STAT5B: variants seen among roughly 807,000 people sequenced by gnomAD.
The protein encoded by STAT5B is transcription factor STAT5B.
In STAT5B, 21 loss-of-function variants were observed where a neutral mutation model predicts 107.8. The ratio of observed to expected loss-of-function variants is 0.19; its 90% CI spans 0.14 to 0.28. The LOEUF (loss-of-function observed/expected upper bound fraction) is 0.28. Among genes scored for constraint, STAT5B ranks in the 10% least tolerant of loss-of-function variants. STAT5B has a pLI of 1.00. For missense variants in STAT5B, 565 were observed against 1,008.2 expected (o/e 0.56, Z 5.95); for synonymous variants, 325 against 401.7 (o/e 0.81, Z 2.28).
intron 1 of STAT5B, among the ~76,000 whole-genome samples, chr17:42,236,351 T>C (rs2080356010): frequency 6.6e-6 from 1 of 152,206 alleles, no homozygotes; most frequent in Admixed American, 6.5e-5. Context: ...CTTACTGAGA[T>C]TATCATTATA....
chr17:42,247,953 A>T (rs1460090230), intron 1 of STAT5B, among the ~76,000 whole-genome samples: 1 of 77,820 alleles, frequency 1.3e-5, no homozygotes, highest in Non-Finnish European at 3.1e-5. Flanking sequence ...CTCATTCTCT[A>T]AAAAAAAAAA....
At chr17:42,257,186 T>C (rs2080553309) in intron 1 of STAT5B, among the ~76,000 whole-genome samples, 2 of 152,202 alleles carry the variant, frequency 1.3e-5, no homozygotes, top group Admixed American at 6.5e-5. Context: ...TAATATTAAA[T>C]ACTTTAAAGT....
chr17:42,252,058 T>G (rs2080504951), intron 1 of STAT5B, among the ~76,000 whole-genome samples: 1 of 151,372 alleles, frequency 6.6e-6, no homozygotes, highest in Non-Finnish European at 1.5e-5. Flanking sequence ...TTACTGTTGA[T>G]GTACATTAAG....
chr17:42,242,708 C>T (rs530415828), intron 1 of STAT5B, among the ~76,000 whole-genome samples: 14 of 151,880 alleles, frequency 9.2e-5, no homozygotes, highest in African/African-American at 3.1e-4. Flanking sequence ...TGGCTCATGC[C>T]TGTAATCCCA....
intron 8 of STAT5B, 55 bp downstream of exon 8, chr17:42,218,668 C>G (rs536988207): frequency 1.9e-6 from 3 of 1,612,148 alleles, no homozygotes; most frequent in South Asian, 1.1e-5. Context: ...CGGCTCCCCC[C>G]ACGCAGGCAG....
upstream of STAT5B, among the ~76,000 whole-genome samples, chr17:42,277,720 G>A (rs995873735): frequency 1.3e-5 from 2 of 150,748 alleles, no homozygotes; most frequent in Non-Finnish European, 3.0e-5. Flanking sequence ...GGTGCTCCAT[G>A]TTCTCCATAT....
chr17:42,246,392 A>T (rs1401523080), intron 1 of STAT5B, among the ~76,000 whole-genome samples: 2 of 152,196 alleles, frequency 1.3e-5, no homozygotes, highest in East Asian at 3.8e-4. Flanking sequence ...AAAAATTCAG[A>T]ATTATAAAAA....
intron 1 of STAT5B, among the ~76,000 whole-genome samples, chr17:42,243,436 C>T (rs746553056): frequency 1.3e-5 from 2 of 152,148 alleles, no homozygotes; most frequent in Admixed American, 6.5e-5. Context: ...TGCTAAATTT[C>T]TTGAGAGTGA....
At chr17:42,207,487 G>GCACACACA (rs57356051) in intron 16 of STAT5B, 71 bp downstream of exon 16, 123 of 1,198,616 alleles carry the variant, frequency 1.0e-4, no homozygotes, top group African/African-American at 6.0e-4. Context: ...ACGCAGGTAT[G>GCACACACA]CACACACACA....
Position 42,268,327 on chromosome 17 carries a change from T to C in STAT5B, c.-11+7921A>G, listed in dbSNP as rs993237482. On this transcript the variant is annotated intron_variant, in intron 1 of 18. Coordinates refer to ENST00000293328, the MANE Select transcript of STAT5B (RefSeq NM_012448.4). ...TCTACAGTACTCAATACAGTATACA[T>C]GTTCCACAGGTTTGTAGTCTAGGAG... Among the ~76,000 whole-genome samples, 4 of 152,214 alleles carry C rather than the reference T, an allele frequency of 2.6e-5. No homozygotes were observed. The highest frequency in any genetic ancestry group is 2.6e-4 in the Admixed American group (4 of 15,278).
intron 15 of STAT5B, among the ~76,000 whole-genome samples, chr17:42,209,308 G>A (rs182627045): frequency 1.3e-5 from 2 of 151,988 alleles, no homozygotes. Flanking sequence ...TCCTGCCTGA[G>A]GCTCCCAAAG....
At chr17:42,262,050 TG>T (rs1168915139) in intron 1 of STAT5B, among the ~76,000 whole-genome samples, 4 of 152,218 alleles carry the variant, frequency 2.6e-5, no homozygotes, top group Non-Finnish European at 5.9e-5. Context: ...GTAAGTCTAC[TG>T]GGCTCAAAAT....
At chr17:42,213,450 G>A (rs1012774971) in intron 12 of STAT5B, among the ~76,000 whole-genome samples, 7 of 152,072 alleles carry the variant, frequency 4.6e-5, no homozygotes, top group Non-Finnish European at 5.9e-5. Flanking sequence ...CAAGAGATCC[G>A]CTTGCCTTGG....
intron 1 of STAT5B, chr17:42,235,334 A>G (rs1414374929): frequency 1.3e-5 from 2 of 152,238 alleles, no homozygotes; most frequent in African/African-American, 2.4e-5. Context: ...CTGGCACATA[A>G]GCATCATAAT....
intron 1 of STAT5B, among the ~76,000 whole-genome samples, chr17:42,238,106 CCAT>C (rs2080371250): frequency 7.1e-5 from 6 of 84,134 alleles, no homozygotes; most frequent in Non-Finnish European, 2.4e-5. Context: ...ATCCATCCAT[CCAT>C]CCATCCATCC....
upstream of STAT5B, among the ~76,000 whole-genome samples, chr17:42,278,578 C>T: frequency 6.6e-6 from 1 of 152,006 alleles, no homozygotes; most frequent in East Asian, 1.9e-4. Flanking sequence ...GGTGTGGTGG[C>T]ACAATCACAG....
At chr17:42,223,851 G>A (rs567541349) in intron 4 of STAT5B, among the ~76,000 whole-genome samples, 7 of 152,152 alleles carry the variant, frequency 4.6e-5, no homozygotes, top group African/African-American at 9.7e-5. Context: ...GGAGAAACTA[G>A]AACGTAACCT....
chr17:42,255,379 A>G (rs1381460458), intron 1 of STAT5B, among the ~76,000 whole-genome samples: 1 of 152,230 alleles, frequency 6.6e-6, no homozygotes, highest in Non-Finnish European at 1.5e-5. Flanking sequence ...GAAAGCTTTA[A>G]TAACTCCCTA....
At chr17:42,253,089 AGTCTGATAGAC>A (rs2080512770) in intron 1 of STAT5B, among the ~76,000 whole-genome samples, 1 of 151,768 alleles carries the variant, frequency 6.6e-6, no homozygotes. Flanking sequence ...TTATGGCATC[AGTCTGATAGAC>A]GTTGAACCTT....
Sources: gnomAD v4.1 joint callset for allele counts (sites outside exome capture counted in the v4.1 genomes callset) on GRCh38, gnomAD v4.1.1 for gene constraint, MANE v1.5 for transcripts, NCBI Gene and HGNC (gene_info 2026-07-23, HGNC 2026-07-21) for gene names.